Variants in DIAPH3 observed in about 807,000 individuals in gnomAD.
The protein encoded by DIAPH3 is diaphanous related formin 3.
In DIAPH3, 117 loss-of-function variants were observed where a neutral mutation model predicts 144.3. The ratio of observed to expected loss-of-function variants is 0.81; its 90% CI spans 0.70 to 0.95. The LOEUF is 0.95. DIAPH3 is among the 40% of genes least tolerant of loss of function. The pLI, the probability that DIAPH3 is intolerant of heterozygous loss-of-function variation, is 0.00. For missense variants in DIAPH3, 1,421 were observed against 1,412.7 expected (o/e 1.01, Z -0.09); for synonymous variants, 519 against 488.9 (o/e 1.06, Z -0.81).
intron 2 of DIAPH3, among the ~76,000 whole-genome samples, chr13:60,128,879 T>C (rs2059062371): frequency 6.6e-6 from 1 of 152,170 alleles, no homozygotes; most frequent in South Asian, 2.1e-4. Flanking sequence ...AAATACTGGT[T>C]TTTAAACTTT....
At chr13:59,897,508 G>C (rs961785020) in intron 20 of DIAPH3, among the ~76,000 whole-genome samples, 1 of 152,022 alleles carries the variant, frequency 6.6e-6, no homozygotes, top group African/African-American at 2.4e-5. Flanking sequence ...CCAGCACTTT[G>C]GGAGGCCGAG....
chr13:59,912,518 TAAAGATTA>T (rs1454335225), intron 19 of DIAPH3, among the ~76,000 whole-genome samples: 1 of 152,112 alleles, frequency 6.6e-6, no homozygotes, highest in Non-Finnish European at 1.5e-5. Context: ...ACTACTTGAA[TAAAGATTA>T]AAGGAATACA....
At chr13:59,715,804 A>C (rs924944366) in intron 27 of DIAPH3, among the ~76,000 whole-genome samples, 1 of 152,202 alleles carries the variant, frequency 6.6e-6, no homozygotes, top group African/African-American at 2.4e-5. Context: ...TAAGATAAGG[A>C]TAATCTTCAC....
intron 17 of DIAPH3, among the ~76,000 whole-genome samples, chr13:59,965,647 T>G (rs2050006027): frequency 6.6e-6 from 1 of 152,174 alleles, no homozygotes; most frequent in Non-Finnish European, 1.5e-5. Flanking sequence ...AAACAATCTT[T>G]TTTTATAACC....
chr13:59,898,340 T>C (rs1168408184), intron 20 of DIAPH3, among the ~76,000 whole-genome samples: 1 of 151,918 alleles, frequency 6.6e-6, no homozygotes, highest in Non-Finnish European at 1.5e-5. Flanking sequence ...AGTAAGAAAC[T>C]CATACAACGT....
At chr13:60,117,913 A>T (rs1449783485) in intron 2 of DIAPH3, among the ~76,000 whole-genome samples, 3 of 152,150 alleles carry the variant, frequency 2.0e-5, no homozygotes, top group African/African-American at 7.2e-5. Context: ...ATAATTTTAT[A>T]TGAAATTCTC....
At chr13:59,727,006 A>G (rs2035633562) in intron 27 of DIAPH3, among the ~76,000 whole-genome samples, 1 of 152,172 alleles carries the variant, frequency 6.6e-6, no homozygotes, top group Non-Finnish European at 1.5e-5. Flanking sequence ...AAAAACTTCA[A>G]AGAAATAGAA....
intron 3 of DIAPH3, among the ~76,000 whole-genome samples, chr13:60,106,954 C>A (rs1235100944): frequency 6.6e-6 from 1 of 152,116 alleles, no homozygotes; most frequent in African/African-American, 2.4e-5. Flanking sequence ...AACATACGAA[C>A]TATTCCAGAC....
At chr13:59,950,760 A>G (rs909572684) in intron 17 of DIAPH3, among the ~76,000 whole-genome samples, 1 of 152,162 alleles carries the variant, frequency 6.6e-6, no homozygotes, top group East Asian at 1.9e-4. Flanking sequence ...ATAATGACTA[A>G]ATGTAATACT....
In DIAPH3 at chr13:60,017,897, A is replaced by C. The variant is rs146542272; in HGVS notation, c.627-1752T>G. ...AAAAGTGAAGGGTTTACTCTTCACT[A>C]TCAGCGACACACAGATTATCTGTAG... On this transcript the variant is annotated intron_variant, in intron 5 of 27. Transcript: ENST00000400324. Among the ~76,000 whole-genome samples the C allele has an allele frequency of 6.2e-3, 946 of 152,376 alleles. 4 individuals carry two copies. Among genetic ancestry groups the C allele is most frequent in the Non-Finnish European group, 9.1e-3 (618 of 68,040 alleles).
intron 2 of DIAPH3, among the ~76,000 whole-genome samples, chr13:60,132,189 A>G (rs1482366892): frequency 6.6e-6 from 1 of 152,196 alleles, no homozygotes. Context: ...TGCCTTACCC[A>G]GGTGCATAAG....
chr13:60,001,394 C>T (rs1458784333), intron 9 of DIAPH3, among the ~76,000 whole-genome samples: 1 of 152,182 alleles, frequency 6.6e-6, no homozygotes, highest in African/African-American at 2.4e-5. Flanking sequence ...GTAGCTCAGT[C>T]ATTCTGTGGA....
At chr13:60,058,013 G>T (rs2056622394) in intron 4 of DIAPH3, among the ~76,000 whole-genome samples, 1 of 151,564 alleles carries the variant, frequency 6.6e-6, no homozygotes, top group Non-Finnish European at 1.5e-5. Flanking sequence ...GACCCCAAAA[G>T]CAAATGCAAC....
chr13:60,129,637 T>G (rs17057670), intron 2 of DIAPH3, among the ~76,000 whole-genome samples: 7,415 of 152,268 alleles, frequency 0.049, 277 homozygotes, highest in African/African-American at 0.096. Context: ...ATTGCTATTC[T>G]TATATGCCTC....
intron 27 of DIAPH3, among the ~76,000 whole-genome samples, chr13:59,752,455 C>T (rs756814072): frequency 6.6e-6 from 1 of 151,424 alleles, no homozygotes; most frequent in Non-Finnish European, 1.5e-5. Context: ...GCAATCTCGA[C>T]CTCCTAGGCT....
intron 3 of DIAPH3, among the ~76,000 whole-genome samples, chr13:60,099,202 CA>C (rs961352410): frequency 1.3e-5 from 2 of 151,884 alleles, no homozygotes; most frequent in Non-Finnish European, 1.5e-5. Context: ...GGTTATGTCC[CA>C]AAAAAGCCAT....
chr13:59,795,890 C>T, intron 25 of DIAPH3, among the ~76,000 whole-genome samples: 1 of 152,130 alleles, frequency 6.6e-6, no homozygotes, highest in Non-Finnish European at 1.5e-5. Flanking sequence ...CACCCGCTTG[C>T]CAGCCATCTT....
At chr13:59,795,657 G>A (rs1421094486) in intron 25 of DIAPH3, among the ~76,000 whole-genome samples, 2 of 151,806 alleles carry the variant, frequency 1.3e-5, no homozygotes, top group African/African-American at 4.8e-5. Context: ...GTTTCACTGT[G>A]CGTGCTAAGA....
intron 2 of DIAPH3, among the ~76,000 whole-genome samples, chr13:60,125,839 G>GA (rs80146541): frequency 0.045 from 6,834 of 151,928 alleles, 197 homozygotes; most frequent in East Asian, 0.1. Flanking sequence ...GTCCAGAGAA[G>GA]AAAAAATGAG....
Sources: allele counts gnomAD v4.1 joint callset (sites outside exome capture counted in the v4.1 genomes callset), GRCh38; gene constraint gnomAD v4.1.1; transcripts MANE v1.5; gene names NCBI Gene and HGNC (gene_info 2026-07-23, HGNC 2026-07-21).